The following C1orf146 variants were observed in gnomAD, a reference collection of about 807,000 sequenced individuals.
C1orf146 encodes the protein protein SPO16 homolog.
C1orf146 carries 22 observed loss-of-function variants against 23.0 expected under a neutral mutation model. The ratio of observed to expected loss-of-function variants is 0.96; its 90% CI spans 0.68 to 1.36. The LOEUF (loss-of-function observed/expected upper bound fraction) is 1.36. Among genes scored for constraint, C1orf146 ranks in the 40% most tolerant of loss-of-function variants. The pLI is 0.00. For missense variants in C1orf146, 199 were observed against 206.8 expected, an observed-to-expected ratio of 0.96 and a Z score of 0.23; for synonymous variants, 59 against 65.3, an observed-to-expected ratio of 0.90 and a Z score of 0.47.
At chr1:92,225,064 G>A (rs2100729425) in intron 1 of C1orf146, among the ~76,000 whole-genome samples, 1 of 151,658 alleles carries the variant, frequency 6.6e-6, no homozygotes, top group Admixed American at 6.6e-5. Context: ...AGATAAGATG[G>A]AATAAGGTAT....
chr1:92,240,855 A>G lies in C1orf146; in HGVS notation c.67-1357A>G, dbSNP rs149299758. ...AAATTTTAACCTATCAGGAAAAACT[A>G]TTAACCACCTAGATTTTAGTATTGT... is the stretch of plus-strand genomic sequence containing the variant. On this transcript the variant is annotated intron_variant, in intron 2 of 5. Transcript: ENST00000370375. The G allele has an allele frequency of 3.1e-3, 1,382 of 452,292 alleles. 16 individuals carry two copies. The highest frequency in any genetic ancestry group is 0.011 in the Middle Eastern group (33 of 2,950). 28.0% of individuals were successfully genotyped at this position (452,292 alleles called of 1,614,324 possible). A position where few individuals can be genotyped will look rare whatever the true frequency, so the allele number is the denominator to read the frequency against.
At chr1:92,228,354 C>T (rs1352983440) in intron 1 of C1orf146, among the ~76,000 whole-genome samples, 1 of 152,212 alleles carries the variant, frequency 6.6e-6, no homozygotes, top group Non-Finnish European at 1.5e-5. Flanking sequence ...CTCTTCATTA[C>T]AGTCAGCTTT....
At chr1:92,244,131 T>C (rs1652504334) in intron 3 of C1orf146, 86 bp from the exon 4 acceptor site, 1 of 573,256 alleles carries the variant, frequency 1.7e-6, no homozygotes, top group Admixed American at 4.1e-5. Flanking sequence ...TGTGGTATAC[T>C]TAGTTATTTT....
chr1:92,230,452 A>G (rs1221028360), intron 1 of C1orf146, among the ~76,000 whole-genome samples: 5 of 151,998 alleles, frequency 3.3e-5, no homozygotes, highest in Non-Finnish European at 7.4e-5. Flanking sequence ...CTCCACTAAA[A>G]ATACAAAAAA....
At chr1:92,231,128 C>T (rs776418547) in intron 1 of C1orf146, among the ~76,000 whole-genome samples, 4 of 152,142 alleles carry the variant, frequency 2.6e-5, no homozygotes, top group Non-Finnish European at 5.9e-5. Context: ...TCAGACCTTG[C>T]GTGTTCTTGA....
intron 1 of C1orf146, among the ~76,000 whole-genome samples, chr1:92,224,258 C>T (rs1188352201): frequency 6.6e-6 from 1 of 151,518 alleles, no homozygotes; most frequent in East Asian, 2.0e-4. Flanking sequence ...CACTGTTAGC[C>T]AGGATGGTCT....
At chr1:92,221,851 G>T (rs1392858991) in intron 1 of C1orf146, among the ~76,000 whole-genome samples, 1 of 152,186 alleles carries the variant, frequency 6.6e-6, no homozygotes, top group Non-Finnish European at 1.5e-5. Flanking sequence ...AAGTAGCCCT[G>T]GTGTTGGACT....
intron 1 of C1orf146, among the ~76,000 whole-genome samples, chr1:92,222,822 G>A (rs1006719327): frequency 1.3e-5 from 2 of 151,958 alleles, no homozygotes; most frequent in African/African-American, 2.4e-5. Flanking sequence ...TCCTGACCTT[G>A]TGATCCGCCC....
At chr1:92,233,100 G>A (rs1652175144) in intron 2 of C1orf146, among the ~76,000 whole-genome samples, 1 of 152,140 alleles carries the variant, frequency 6.6e-6, no homozygotes, top group African/African-American at 2.4e-5. Flanking sequence ...CTGTGCAGAA[G>A]CTCTTTAGTT....
intron 1 of C1orf146, among the ~76,000 whole-genome samples, chr1:92,225,053 A>G (rs1019025997): frequency 1.3e-5 from 2 of 151,142 alleles, no homozygotes; most frequent in Non-Finnish European, 2.9e-5. Flanking sequence ...TTCCTATTTT[A>G]AGATAAGATG....
intron 1 of C1orf146, among the ~76,000 whole-genome samples, chr1:92,224,607 C>G (rs1046028379): frequency 6.6e-6 from 1 of 152,112 alleles, no homozygotes; most frequent in Non-Finnish European, 1.5e-5. Flanking sequence ...GTTCCAACAC[C>G]GTTTATCGTA....
In C1orf146 at chr1:92,222,226, G is replaced by A. The variant is rs534479324; in HGVS notation, c.-40+4178G>A. 1.3e-4 allele frequency among the ~76,000 whole-genome samples: 20 copies of A among 152,264 alleles called. No individual in the cohort carries two copies. In the South Asian group the frequency reaches 3.7e-3, roughly 28 times the overall value. On this transcript the variant is annotated intron_variant, in intron 1 of 5. Coordinates refer to ENST00000370375, the MANE Select transcript of C1orf146 (RefSeq NM_001012425.2). ...ACTGCACTCCAGCCATAGTGACAGA[G>A]TGAGATTCCGTCTCAAAAAATAAAT...
At chr1:92,235,709 G>A (rs1398162353) in intron 2 of C1orf146, among the ~76,000 whole-genome samples, 1 of 152,108 alleles carries the variant, frequency 6.6e-6, no homozygotes, top group Non-Finnish European at 1.5e-5. Flanking sequence ...TGACAGTGGG[G>A]TGTTAAAGTC....
At chr1:92,235,097 G>T (rs1399603857) in intron 2 of C1orf146, among the ~76,000 whole-genome samples, 1 of 151,880 alleles carries the variant, frequency 6.6e-6, no homozygotes, top group Non-Finnish European at 1.5e-5. Flanking sequence ...GGTTTTTTGT[G>T]TCTCTATTTC....
chr1:92,233,069 C>G (rs1050102463), intron 2 of C1orf146, among the ~76,000 whole-genome samples: 3 of 152,070 alleles, frequency 2.0e-5, no homozygotes, highest in African/African-American at 7.2e-5. Flanking sequence ...TGCCTGTTCA[C>G]TCTGATGGTA....
chr1:92,227,432 A>G (rs1001148177), intron 1 of C1orf146, among the ~76,000 whole-genome samples: 19 of 152,086 alleles, frequency 1.2e-4, no homozygotes, highest in African/African-American at 4.6e-4. Context: ...CCAGCTACTC[A>G]GGAGGCTGAG....
chr1:92,224,357 T>C (rs906268162), intron 1 of C1orf146, among the ~76,000 whole-genome samples: 2 of 152,126 alleles, frequency 1.3e-5, no homozygotes, highest in Non-Finnish European at 2.9e-5. Context: ...CAGAGAGAAG[T>C]TTTTAACTTA....
intron 2 of C1orf146, among the ~76,000 whole-genome samples, chr1:92,234,287 C>G: frequency 6.6e-6 from 1 of 152,164 alleles, no homozygotes; most frequent in East Asian, 1.9e-4. Flanking sequence ...TACGTCCCAT[C>G]AATACCTAAT....
chr1:92,220,126 T>C (rs2100723402), intron 1 of C1orf146, among the ~76,000 whole-genome samples: 1 of 152,312 alleles, frequency 6.6e-6, no homozygotes, highest in Middle Eastern at 3.4e-3. Flanking sequence ...GGCACTACTC[T>C]GGACTCATCT....
Sources: allele counts gnomAD v4.1 joint callset (sites outside exome capture counted in the v4.1 genomes callset), GRCh38; gene constraint gnomAD v4.1.1; transcripts MANE v1.5; gene names NCBI Gene and HGNC (gene_info 2026-07-23, HGNC 2026-07-21).